SH3RF3: variants seen among roughly 807,000 people sequenced by gnomAD.
SH3RF3 encodes E3 ubiquitin-protein ligase SH3RF3.
SH3RF3 carries 29 observed loss-of-function variants against 66.3 expected under a neutral mutation model. The observed-to-expected ratio is 0.44, with a 90% CI of 0.33 to 0.60. The LOEUF (loss-of-function observed/expected upper bound fraction) is 0.60, where lower values mean the gene tolerates loss of function less well. Among genes scored for constraint, SH3RF3 ranks in the 20% least tolerant of loss-of-function variants. The pLI is 0.04. For missense variants in SH3RF3, 1,194 were observed against 1,190.9 expected, an observed-to-expected ratio of 1.00 and a Z score of -0.04; for synonymous variants, 583 against 532.0, an observed-to-expected ratio of 1.10 and a Z score of -1.32.
Position 109,195,937 on chromosome 2 carries a change from C to A in SH3RF3, c.573+65824C>A, listed in dbSNP as rs536287792. Among the ~76,000 whole-genome samples, 7 of 152,332 alleles carry A rather than the reference C, an allele frequency of 4.6e-5. No homozygotes were observed. In the East Asian group the frequency reaches 1.4e-3, roughly 29 times the overall value. Reference sequence around the variant, plus strand: ...CTCATTACTGACTGAGCACCTCGCCCTGCAGCGAGAAGGGCCAGGTACCTT... The same window carrying A: ...CTCATTACTGACTGAGCACCTCGCCATGCAGCGAGAAGGGCCAGGTACCTT... On this transcript the variant is annotated intron_variant, in intron 1 of 9. Transcript: ENST00000309415.
chr2:109,171,536 C>G (rs945401657), intron 1 of SH3RF3, among the ~76,000 whole-genome samples: 1 of 152,252 alleles, frequency 6.6e-6, no homozygotes, highest in African/African-American at 2.4e-5. Flanking sequence ...TGGCTTCGCC[C>G]GCGGCGGGCC....
intron 4 of SH3RF3, among the ~76,000 whole-genome samples, chr2:109,413,711 T>C (rs760321476): frequency 6.6e-6 from 1 of 152,208 alleles, no homozygotes; most frequent in Non-Finnish European, 1.5e-5. Context: ...CCACACAGCA[T>C]AGACATGTCA....
At chr2:109,266,290 TTGTG>T (rs1214943951) in intron 1 of SH3RF3, among the ~76,000 whole-genome samples, 3 of 148,658 alleles carry the variant, frequency 2.0e-5, no homozygotes, top group South Asian at 2.1e-4. Flanking sequence ...CATGTTTGTG[TTGTG>T]TGTATGTGTT....
intron 5 of SH3RF3, among the ~76,000 whole-genome samples, chr2:109,421,331 G>A (rs1263692251): frequency 6.6e-6 from 1 of 152,202 alleles, no homozygotes; most frequent in Non-Finnish European, 1.5e-5. Context: ...CTGTACACAG[G>A]CTCTCAGTAG....
chr2:109,493,958 A>G (rs1445709810), intron 9 of SH3RF3, among the ~76,000 whole-genome samples: 1 of 152,136 alleles, frequency 6.6e-6, no homozygotes, highest in African/African-American at 2.4e-5. Flanking sequence ...CCTCCGCATC[A>G]GAACCTCCCT....
intron 7 of SH3RF3, among the ~76,000 whole-genome samples, chr2:109,445,827 G>A (rs1338067534): frequency 6.6e-6 from 1 of 152,090 alleles, no homozygotes; most frequent in Non-Finnish European, 1.5e-5. Flanking sequence ...TGAAAATAAG[G>A]AAAGGACAAA....
intron 1 of SH3RF3, among the ~76,000 whole-genome samples, chr2:109,204,933 C>T (rs533171450): frequency 6.6e-6 from 1 of 152,280 alleles, no homozygotes; most frequent in Admixed American, 6.5e-5. Flanking sequence ...ACTGGGTGGG[C>T]ATGGTGGCTC....
At chr2:109,186,095 T>A (rs1484342499) in intron 1 of SH3RF3, among the ~76,000 whole-genome samples, 2 of 152,272 alleles carry the variant, frequency 1.3e-5, no homozygotes, top group Non-Finnish European at 1.5e-5. Flanking sequence ...AGGGTGATTT[T>A]AACTTCAGGA....
At chr2:109,343,108 G>A (rs1682594376) in intron 1 of SH3RF3, among the ~76,000 whole-genome samples, 1 of 152,164 alleles carries the variant, frequency 6.6e-6, no homozygotes. Flanking sequence ...CCACCCTCCT[G>A]GGTGGGTGTG....
intron 1 of SH3RF3, among the ~76,000 whole-genome samples, chr2:109,286,875 G>A (rs1032805487): frequency 8.5e-5 from 13 of 152,140 alleles, no homozygotes; most frequent in Middle Eastern, 3.2e-3. Flanking sequence ...TCGTTGACCG[G>A]TCTGTCCCCA....
At chr2:109,385,126 C>T (rs73955568) in intron 3 of SH3RF3, among the ~76,000 whole-genome samples, 1,712 of 152,304 alleles carry the variant, frequency 0.011, 33 homozygotes, top group African/African-American at 0.039. Context: ...CCCCTGCCCA[C>T]GTTGGCATCA....
intron 1 of SH3RF3, among the ~76,000 whole-genome samples, chr2:109,337,610 C>T (rs4676276): frequency 6.6e-6 from 1 of 151,946 alleles, no homozygotes. Context: ...GAAGTCCATC[C>T]TCCATTGGTG....
At chr2:109,219,169 G>C (rs914500827) in intron 1 of SH3RF3, among the ~76,000 whole-genome samples, 1 of 152,196 alleles carries the variant, frequency 6.6e-6, no homozygotes, top group South Asian at 2.1e-4. Flanking sequence ...AGGATAGAGG[G>C]GCTACCGCCT....
intron 1 of SH3RF3, among the ~76,000 whole-genome samples, chr2:109,167,014 A>G (rs1369292111): frequency 6.6e-6 from 1 of 152,212 alleles, no homozygotes; most frequent in African/African-American, 2.4e-5. Flanking sequence ...CAATGCTAAA[A>G]GAACAATACA....
At chr2:109,410,482 T>C (rs1184627151) in intron 4 of SH3RF3, among the ~76,000 whole-genome samples, 2 of 152,174 alleles carry the variant, frequency 1.3e-5, no homozygotes, top group African/African-American at 4.8e-5. Flanking sequence ...TGTTTGCTTG[T>C]GCTAAGTTCC....
chr2:109,153,075 C>A (rs911609479), intron 1 of SH3RF3, among the ~76,000 whole-genome samples: 3 of 152,180 alleles, frequency 2.0e-5, no homozygotes, highest in African/African-American at 4.8e-5. Flanking sequence ...AAAGACAAGA[C>A]AGTCACTGTG....
At chr2:109,351,717 C>A (rs904862829) in intron 2 of SH3RF3, among the ~76,000 whole-genome samples, 4 of 152,172 alleles carry the variant, frequency 2.6e-5, no homozygotes, top group Non-Finnish European at 5.9e-5. Context: ...CAGCGGGGCC[C>A]CCAGGCTTGC....
At chr2:109,491,016 A>C in intron 9 of SH3RF3, 80 bp downstream of exon 9, 1 of 1,298,466 alleles carries the variant, frequency 7.7e-7, no homozygotes, top group Non-Finnish European at 1.0e-6. Context: ...GGGAGCAGGG[A>C]CACTGTGGCC....
intron 3 of SH3RF3, among the ~76,000 whole-genome samples, chr2:109,373,926 G>C (rs1048040987): frequency 1.3e-5 from 2 of 152,042 alleles, no homozygotes; most frequent in Non-Finnish European, 1.5e-5. Flanking sequence ...GCAGGTGCAG[G>C]CCCGAGACCC....
Sources: allele counts gnomAD v4.1 joint callset (sites outside exome capture counted in the v4.1 genomes callset), GRCh38; gene constraint gnomAD v4.1.1; transcripts MANE v1.5; gene names NCBI Gene and HGNC (gene_info 2026-07-23, HGNC 2026-07-21).